The following CCDC18 variants were observed in gnomAD, a reference collection of about 807,000 sequenced individuals.
CCDC18 encodes the protein coiled-coil domain-containing protein 18.
CCDC18 carries 157 observed loss-of-function variants against 196.0 expected under a neutral mutation model. The observed-to-expected ratio is 0.80, with a 90% CI of 0.70 to 0.91. The LOEUF (loss-of-function observed/expected upper bound fraction) is 0.91, where lower values mean the gene tolerates loss of function less well. CCDC18 is among the 40% of genes least tolerant of loss of function. The pLI, the probability that CCDC18 is intolerant of heterozygous loss-of-function variation, is 0.00. For missense variants in CCDC18, 1,465 were observed against 1,611.6 expected, an observed-to-expected ratio of 0.91 and a Z score of 1.56; for synonymous variants, 482 against 529.2, an observed-to-expected ratio of 0.91 and a Z score of 1.22.
At chr1:93,192,859 T>C (rs1427137102) in intron 5 of CCDC18, among the ~76,000 whole-genome samples, 1 of 152,224 alleles carries the variant, frequency 6.6e-6, no homozygotes, top group Non-Finnish European at 1.5e-5. Context: ...AGTAGTAGCA[T>C]CACCTGGGAA....
intron 28 of CCDC18, chr1:93,271,456 T>G: frequency 1.0e-6 from 1 of 985,442 alleles, no homozygotes; most frequent in Non-Finnish European, 1.2e-6. Context: ...TGCTTGCCTG[T>G]TTTGCTTCTC....
chr1:93,231,039 C>T (rs914280122), intron 17 of CCDC18, among the ~76,000 whole-genome samples: 3 of 152,170 alleles, frequency 2.0e-5, no homozygotes, highest in Non-Finnish European at 4.4e-5. Flanking sequence ...AGGGTTACTT[C>T]GAGTATACAA....
At chr1:93,184,204 T>TA (rs905787417) in intron 3 of CCDC18, 58 bp downstream of exon 3, 15 of 987,148 alleles carry the variant, frequency 1.5e-5, no homozygotes, top group South Asian at 4.0e-5. Context: ...CCTGTCTACT[T>TA]AAAAAAAATT....
intron 12 of CCDC18, among the ~76,000 whole-genome samples, 191 bp from the exon 13 acceptor site, chr1:93,216,445 G>T (rs1656487882): frequency 1.3e-5 from 2 of 152,044 alleles, no homozygotes; most frequent in Admixed American, 6.6e-5. Flanking sequence ...CACTTATTTT[G>T]TAAAATACTT....
upstream of CCDC18, chr1:93,180,712 G>T: frequency 7.4e-7 from 1 of 1,359,376 alleles, no homozygotes; most frequent in Non-Finnish European, 9.8e-7. Context: ...GCGTCCCAAC[G>T]GCTCCCGCGG....
chr1:93,215,361 A>G (rs1656306571), intron 12 of CCDC18, among the ~76,000 whole-genome samples: 1 of 152,112 alleles, frequency 6.6e-6, no homozygotes, highest in East Asian at 1.9e-4. Flanking sequence ...ACCACCTAGG[A>G]AGCCTGTTTA....
chr1:93,202,968 T>C (rs1654091672), intron 7 of CCDC18, among the ~76,000 whole-genome samples: 1 of 152,224 alleles, frequency 6.6e-6, no homozygotes, highest in Admixed American at 6.5e-5. Context: ...GCTGCTAGGC[T>C]ATCTCAAAGA....
intron 18 of CCDC18, 76 bp downstream of exon 18, chr1:93,232,669 A>G: frequency 2.1e-5 from 25 of 1,177,960 alleles, no homozygotes; most frequent in Non-Finnish European, 2.9e-5. Flanking sequence ...ATTTTTCGTT[A>G]GTTTTTTAAA....
intron 23 of CCDC18, among the ~76,000 whole-genome samples, chr1:93,247,972 G>GGGA (rs1661708696): frequency 6.9e-6 from 1 of 145,636 alleles, no homozygotes; most frequent in Admixed American, 6.8e-5. Flanking sequence ...TTAACTATGG[G>GGGA]TTTGTTGTAA....
At chr1:93,222,904 A>C (rs1430075743) in intron 16 of CCDC18, among the ~76,000 whole-genome samples, 1 of 152,214 alleles carries the variant, frequency 6.6e-6, no homozygotes, top group Non-Finnish European at 1.5e-5. Flanking sequence ...TTTGCTTTAA[A>C]GATACGATGT....
chr1:93,224,862 T>C (rs1256090284), intron 16 of CCDC18, among the ~76,000 whole-genome samples: 2 of 152,232 alleles, frequency 1.3e-5, no homozygotes, highest in African/African-American at 4.8e-5. Context: ...TGAAGGATGA[T>C]ACAAGTCCCA....
intron 21 of CCDC18, among the ~76,000 whole-genome samples, chr1:93,241,774 C>T (rs1660834492): frequency 6.7e-6 from 1 of 149,468 alleles, no homozygotes; most frequent in South Asian, 2.1e-4. Flanking sequence ...CTACTTAAAC[C>T]TTCTAATGGC....
At chr1:93,201,498 CAG>C (rs1345087274) in intron 6 of CCDC18, among the ~76,000 whole-genome samples, 1 of 151,956 alleles carries the variant, frequency 6.6e-6, no homozygotes, top group Non-Finnish European at 1.5e-5. Context: ...GCAAAGGTCA[CAG>C]AATTTACTGA....
At position 93,239,758 on chromosome 1, in the gene CCDC18, A is replaced by C; in HGVS notation, c.2843A>C (p.Glu948Ala). ...TEALQKREVL[E>A]TELQNAHGEL... ...GCCTTGCAAAAACGGGAAGTACTTGAGACTGAACTACAAAATGCTCATGGA... is the reference window on the plus strand; with the variant it reads ...GCCTTGCAAAAACGGGAAGTACTTGCGACTGAACTACAAAATGCTCATGGA... The change falls in exon 21 of 29, where the codon GAG (glutamate) becomes GCG (alanine). Residue 948 changes from glutamate to alanine, a missense_variant. Physicochemically the swap from Glu to Ala is moderately radical, Grantham distance 107. Coordinates refer to ENST00000690025, the MANE Select transcript of CCDC18 (RefSeq NM_001378204.1). 1.2e-6 allele frequency: 2 copies of C among 1,613,836 alleles called. No individual in the cohort carries two copies. The highest frequency in any genetic ancestry group is 1.7e-6 in the Non-Finnish European group (2 of 1,179,804).
At position 93,235,711 on chromosome 1, in the gene CCDC18, T is replaced by C. The variant is rs372327419; in HGVS notation, c.2461-537T>C. 4.3e-4 allele frequency among the ~76,000 whole-genome samples: 65 copies of C among 151,968 alleles called. 1 individual carries two copies. The highest frequency in any genetic ancestry group is 1.4e-3 in the African/African-American group (56 of 41,436). The stretch of plus-strand genomic sequence containing the variant: ...GACTGAAGATATTGGAAAGAGGAGA[T>C]AGTAGTATGAAGTTCCTGAAAAAAT... On this transcript the variant is annotated intron_variant, in intron 18 of 28. Transcript: ENST00000690025.
At chr1:93,215,550 A>G (rs1379956519) in intron 12 of CCDC18, among the ~76,000 whole-genome samples, 1 of 149,618 alleles carries the variant, frequency 6.7e-6, no homozygotes, top group Non-Finnish European at 1.5e-5. Context: ...TTGAACTTCT[A>G]GGCTCAAGCC....
chr1:93,198,904 C>T (rs903926912), intron 6 of CCDC18, among the ~76,000 whole-genome samples: 1 of 152,080 alleles, frequency 6.6e-6, no homozygotes, highest in Non-Finnish European at 1.5e-5. Context: ...GCTTTGGCCT[C>T]CTAAAGTGCA....
At chr1:93,203,647 C>T (rs905673796) in intron 7 of CCDC18, among the ~76,000 whole-genome samples, 1 of 152,024 alleles carries the variant, frequency 6.6e-6, no homozygotes, top group Non-Finnish European at 1.5e-5. Context: ...ATCTTCAGTG[C>T]CAGATGTTGC....
intron 9 of CCDC18, among the ~76,000 whole-genome samples, chr1:93,207,695 T>G (rs1374419761): frequency 1.3e-5 from 2 of 152,150 alleles, no homozygotes; most frequent in African/African-American, 4.8e-5. Flanking sequence ...AATCTATGAT[T>G]TTTAGTAAAT....
Sources: allele counts gnomAD v4.1 joint callset (sites outside exome capture counted in the v4.1 genomes callset), GRCh38; gene constraint gnomAD v4.1.1; transcripts MANE v1.5; gene names NCBI Gene and HGNC (gene_info 2026-07-23, HGNC 2026-07-21).